Variants in MAP3K5 observed in about 807,000 individuals in gnomAD.
MAP3K5 encodes ASK-1.
In MAP3K5, 56 loss-of-function variants were observed where a neutral mutation model predicts 158.7. The ratio of observed to expected loss-of-function variants is 0.35; its 90% CI spans 0.28 to 0.44. The LOEUF (loss-of-function observed/expected upper bound fraction) is 0.44, where lower values mean the gene tolerates loss of function less well. MAP3K5 is among the 20% of genes least tolerant of loss of function. The pLI is 1.00. For synonymous variants in MAP3K5, 579 were observed against 601.7 expected, an observed-to-expected ratio of 0.96 and a Z score of 0.55; for missense variants, 1,294 against 1,674.8, an observed-to-expected ratio of 0.77 and a Z score of 3.97.
chr6:136,617,770 T>C (rs1776630176), intron 15 of MAP3K5, among the ~76,000 whole-genome samples: 1 of 151,916 alleles, frequency 6.6e-6, no homozygotes, highest in Non-Finnish European at 1.5e-5. Context: ...CCCTCTCTAC[T>C]AAAAATATAA....
chr6:136,694,967 C>A (rs1371281350), intron 6 of MAP3K5, among the ~76,000 whole-genome samples: 1 of 151,816 alleles, frequency 6.6e-6, no homozygotes, highest in Non-Finnish European at 1.5e-5. Context: ...TGTATGATTC[C>A]ATTTATATGA....
intron 1 of MAP3K5, among the ~76,000 whole-genome samples, chr6:136,727,485 C>A (rs997907747): frequency 2.6e-5 from 4 of 152,196 alleles, no homozygotes; most frequent in Admixed American, 1.3e-4. Flanking sequence ...TTCACTGACT[C>A]ACTTCCTAAA....
chr6:136,656,247 A>C (rs750172867), intron 10 of MAP3K5, 60 bp downstream of exon 10: 1 of 1,485,700 alleles, frequency 6.7e-7, no homozygotes, highest in African/African-American at 1.4e-5. Flanking sequence ...TGATACAATC[A>C]CAGTACAAGA....
At chr6:136,566,232 T>C (rs1395943836) in intron 26 of MAP3K5, among the ~76,000 whole-genome samples, 1 of 152,214 alleles carries the variant, frequency 6.6e-6, no homozygotes, top group East Asian at 1.9e-4. Flanking sequence ...GCAGGTCCTA[T>C]TGACACAGCC....
intron 1 of MAP3K5, among the ~76,000 whole-genome samples, chr6:136,763,768 G>A (rs533485743): frequency 6.6e-6 from 1 of 152,256 alleles, no homozygotes; most frequent in South Asian, 2.1e-4. Context: ...TGGGCGTATT[G>A]AGAGGTGGGG....
chr6:136,636,796 A>G (rs1160651885), intron 14 of MAP3K5: 12 of 970,984 alleles, frequency 1.2e-5, no homozygotes, highest in Non-Finnish European at 1.5e-5. Flanking sequence ...AAAAATAAAA[A>G]CCATATAAAA....
chr6:136,614,279 G>A lies in MAP3K5; in HGVS notation c.2158C>T (p.Gln720Ter), dbSNP rs1776466757. ...AATGCTATTTCTTCATGCAGGGGCT[G>A]AGAGTATCTAAAAGACATGCAATTG... is the stretch of plus-strand genomic sequence containing the variant. Reference protein sequence around the residue: ...EIPERDSRYSQPLHEEIALHK... With the variant: ...EIPERDSRYS Residue 720 changes from glutamine (Q) to a stop codon, truncating the protein, a stop_gained, in exon 16 of 30, where the codon CAG becomes TAG. Coordinates refer to ENST00000359015, the MANE Select transcript of MAP3K5 (RefSeq NM_005923.4). LOFTEE classifies it high-confidence loss of function. The A allele has an allele frequency of 1.2e-6, 2 of 1,612,834 alleles. No homozygotes were observed. Among genetic ancestry groups the A allele is most frequent in the Admixed American group, 3.3e-5 (2 of 59,918 alleles).
At chr6:136,702,649 C>T (rs1412961244) in intron 3 of MAP3K5, among the ~76,000 whole-genome samples, 1 of 152,188 alleles carries the variant, frequency 6.6e-6, no homozygotes, top group East Asian at 1.9e-4. Context: ...ACAACACATG[C>T]TATAAAATCC....
At chr6:136,729,715 G>C (rs148433959) in intron 1 of MAP3K5, among the ~76,000 whole-genome samples, 1,639 of 152,296 alleles carry the variant, frequency 0.011, 14 homozygotes, top group Non-Finnish European at 0.015. Flanking sequence ...GGTATGTCAG[G>C]ATCTAAGCTT....
intron 25 of MAP3K5, among the ~76,000 whole-genome samples, chr6:136,575,274 A>C (rs1483812261): frequency 4.8e-5 from 7 of 147,108 alleles, no homozygotes; most frequent in African/African-American, 1.8e-4. Context: ...TGATCCTCTC[A>C]CCTCAGCCTC....
intron 8 of MAP3K5, among the ~76,000 whole-genome samples, chr6:136,660,585 T>A (rs907416250): frequency 1.3e-5 from 2 of 152,216 alleles, no homozygotes; most frequent in African/African-American, 4.8e-5. Context: ...TCAATTCTAC[T>A]ATGTCTTGTA....
intron 21 of MAP3K5, among the ~76,000 whole-genome samples, chr6:136,599,497 C>G (rs1043992657): frequency 6.7e-6 from 1 of 148,432 alleles, no homozygotes; most frequent in South Asian, 2.1e-4. Context: ...CTCTCTCTCT[C>G]TCTCTCATAT....
At chr6:136,691,580 C>CA (rs1403183751) in intron 7 of MAP3K5, among the ~76,000 whole-genome samples, 1 of 149,422 alleles carries the variant, frequency 6.7e-6, no homozygotes, top group African/African-American at 2.5e-5. Flanking sequence ...CACTGAACTC[C>CA]AGCCTGGGCA....
chr6:136,651,118 A>G (rs779691761), intron 10 of MAP3K5, 27 bp from the exon 11 acceptor site: 29 of 1,272,576 alleles, frequency 2.3e-5, no homozygotes, highest in Non-Finnish European at 7.9e-6. Flanking sequence ...AAAGAAACTA[A>G]TATCAGTGAC....
At chr6:136,625,940 T>C (rs961451261) in intron 14 of MAP3K5, among the ~76,000 whole-genome samples, 1 of 140,458 alleles carries the variant, frequency 7.1e-6, no homozygotes, top group East Asian at 1.9e-4. Flanking sequence ...AAGGCCAGAC[T>C]TGAAAGAGAA....
intron 11 of MAP3K5, 48 bp from the exon 12 acceptor site, chr6:136,642,617 A>C: frequency 1.6e-6 from 2 of 1,228,390 alleles, no homozygotes; most frequent in Non-Finnish European, 2.4e-6. Flanking sequence ...ATGGAAAATA[A>C]CATAACAACA....
intron 7 of MAP3K5, among the ~76,000 whole-genome samples, chr6:136,682,576 G>A (rs79535801): frequency 0.013 from 1,962 of 152,242 alleles, 17 homozygotes; most frequent in Non-Finnish European, 0.022. Flanking sequence ...GGCCAGGCTC[G>A]CTGTTCTTCC....
intron 1 of MAP3K5, among the ~76,000 whole-genome samples, chr6:136,780,341 A>G (rs773564763): frequency 1.3e-5 from 2 of 152,232 alleles, no homozygotes; most frequent in Non-Finnish European, 2.9e-5. Context: ...ATACTTATAG[A>G]ATTGCCTTAC....
In MAP3K5 at chr6:136,757,579, A is replaced by ATTT. The variant is rs776508913; in HGVS notation, c.448+34128_448+34130dup. ...ACTCATTTTATAGATTTATTTATTT[A>ATTT]TTTTTTATTTTTTTTTTTTTTTTTT... On this transcript the variant is annotated intron_variant, in intron 1 of 29. Coordinates refer to ENST00000359015, the MANE Select transcript of MAP3K5 (RefSeq NM_005923.4). 1.4e-3 allele frequency among the ~76,000 whole-genome samples: 161 copies of ATTT among 111,908 alleles called. 2 individuals carry two copies. The highest frequency in any genetic ancestry group is 4.0e-3 in the African/African-American group (126 of 31,590). 73.4% of individuals were successfully genotyped at this position (111,908 alleles called of 152,430 possible).
Sources: allele counts gnomAD v4.1 joint callset (sites outside exome capture counted in the v4.1 genomes callset), GRCh38; gene constraint gnomAD v4.1.1; transcripts MANE v1.5; gene names NCBI Gene and HGNC (gene_info 2026-07-23, HGNC 2026-07-21).